The following INTS6 variants were observed in gnomAD, a reference collection of about 807,000 sequenced individuals.
The protein encoded by INTS6 is DEAD box protein.
A neutral mutation model predicts 104.9 loss-of-function variants in INTS6; 16 were observed. The observed-to-expected ratio is 0.15, with a 90% confidence interval of 0.10 to 0.23. INTS6 has a LOEUF of 0.23. INTS6 is among the 10% of genes least tolerant of loss of function. The pLI is 1.00. For synonymous variants in INTS6, 324 were observed against 358.7 expected (o/e 0.90, Z 1.09); for missense variants, 584 against 1,062.8 (o/e 0.55, Z 6.26).
downstream of INTS6, among the ~76,000 whole-genome samples, chr13:51,352,437 G>A (rs1468731963): frequency 6.6e-6 from 1 of 151,042 alleles, no homozygotes; most frequent in Non-Finnish European, 1.5e-5. Flanking sequence ...CTTGTATGCT[G>A]TACCTTACTG....
At chr13:51,341,290 G>T in the INTS6 span, 1 of 1,613,396 alleles carries the variant, frequency 6.2e-7, no homozygotes, top group Non-Finnish European at 8.5e-7. Flanking sequence ...CCTGCAGTTT[G>T]GAGCAGAAGG....
rs1177202281 is a variant in INTS6, at chr13:51,374,791, C to T, written c.1735G>A (p.Val579Met). 6.2e-7 allele frequency: 1 copy of T among 1,611,118 alleles called. No individual in the cohort carries two copies. The highest frequency in any genetic ancestry group is 1.7e-5 in the Admixed American group (1 of 59,510). Reference protein sequence around the residue: ...RFLKGQDEDQVHSVPIAQMGN... With the variant: ...RFLKGQDEDQMHSVPIAQMGN... ...ATTTGTGCTATAGGAACACTGTGCACTTGATCTTTCAAAAAGAATACAACA... is the reference window on the plus strand; with the variant it reads ...ATTTGTGCTATAGGAACACTGTGCATTTGATCTTTCAAAAAGAATACAACA... The change falls in exon 14 of 18, where the codon GTG becomes ATG. Residue 579 changes from valine to methionine, a missense_variant. By Grantham distance (21) the Val-to-Met change is conservative. Around this residue, in one of 5 missense-constraint regions of INTS6, gnomAD observed 296 missense variants for 437.0 expected, o/e 0.68. Coordinates refer to ENST00000311234, the MANE Select transcript of INTS6 (RefSeq NM_012141.3).
At chr13:51,418,612 T>G (rs1055136100) in intron 4 of INTS6, among the ~76,000 whole-genome samples, 1 of 152,182 alleles carries the variant, frequency 6.6e-6, no homozygotes, top group African/African-American at 2.4e-5. Context: ...ACTCCACAGT[T>G]AAAAATGTGT....
chr13:51,424,256 C>A (rs1430259766), intron 4 of INTS6, among the ~76,000 whole-genome samples: 1 of 151,810 alleles, frequency 6.6e-6, no homozygotes, highest in Admixed American at 6.6e-5. Flanking sequence ...TTCTAGATAG[C>A]GGATTAGTTA....
rs1410368673 is a variant in INTS6, at chr13:51,376,036, C to G, written c.1729+12G>C. On this transcript the variant is annotated intron_variant, in intron 13 of 17. Transcript: ENST00000311234. ...AAAATTAAAAATACCAGTATTGAAA[C>G]TATGTTCTAACCTTCGTCCTGTCCT... 3 of 1,586,476 alleles carry G rather than the reference C, an allele frequency of 1.9e-6. No homozygotes were observed. The highest frequency in any genetic ancestry group is 1.8e-5 in the Admixed American group (1 of 55,090).
chr13:51,344,550 A>T, the INTS6 span: 1 of 1,328,680 alleles, frequency 7.5e-7, no homozygotes, highest in Non-Finnish European at 1.1e-6. Context: ...AGTCTCACCC[A>T]TCACTTGTCA....
chr13:51,348,213 G>T, the INTS6 span: 10 of 1,581,496 alleles, frequency 6.3e-6, no homozygotes, highest in Non-Finnish European at 8.6e-6. Flanking sequence ...GTACCCTCAG[G>T]TCAGTTCCAG....
At chr13:51,408,297 C>G (rs1031921534) in intron 4 of INTS6, among the ~76,000 whole-genome samples, 1 of 151,846 alleles carries the variant, frequency 6.6e-6, no homozygotes, top group Non-Finnish European at 1.5e-5. Context: ...GCGCCTGCCA[C>G]CATGCCCAGC....
chr13:51,433,596 T>C (rs1014090304), intron 3 of INTS6, among the ~76,000 whole-genome samples: 3 of 152,158 alleles, frequency 2.0e-5, no homozygotes, highest in East Asian at 1.9e-4. Context: ...CAGACTCATA[T>C]AGATGATGAC....
chr13:51,449,861 C>A, intron 3 of INTS6: 1 of 985,324 alleles, frequency 1.0e-6, no homozygotes, highest in Non-Finnish European at 1.2e-6. Context: ...TAAGAAAGTA[C>A]ATATTTACCT....
At chr13:51,399,817 C>T (rs1444836628) in intron 4 of INTS6, among the ~76,000 whole-genome samples, 1 of 152,034 alleles carries the variant, frequency 6.6e-6, no homozygotes, top group South Asian at 2.1e-4. Flanking sequence ...GCCATTTCAA[C>T]GTGCTCTTTT....
chr13:51,416,572 T>C (rs1956790920), intron 4 of INTS6, among the ~76,000 whole-genome samples: 2 of 152,258 alleles, frequency 1.3e-5, no homozygotes, highest in South Asian at 4.1e-4. Flanking sequence ...TTTTTAAGGC[T>C]GAATAATATT....
At chr13:51,432,472 C>G (rs1402496052) in intron 3 of INTS6, among the ~76,000 whole-genome samples, 1 of 151,104 alleles carries the variant, frequency 6.6e-6, no homozygotes, top group African/African-American at 2.4e-5. Context: ...AAAAAAACAC[C>G]ATCTTGTATT....
At chr13:51,418,636 T>A (rs889276789) in intron 4 of INTS6, among the ~76,000 whole-genome samples, 2 of 152,186 alleles carry the variant, frequency 1.3e-5, no homozygotes, top group Non-Finnish European at 1.5e-5. Context: ...CTTAGGAATA[T>A]CCAATGTACA....
chr13:51,364,565 T>C lies in INTS6; in HGVS notation c.*1187A>G, dbSNP rs1296208783. The C allele has an allele frequency of 6.6e-6, 2 of 301,198 alleles. No homozygotes were observed. The highest frequency in any genetic ancestry group is 2.2e-5 in the African/African-American group (1 of 45,812). 18.7% of individuals were successfully genotyped at this position (301,198 alleles called of 1,614,324 possible). ...ATGGTGAGTGAGTCAGGCCATAAGA[T>C]TGCTTCCTCAGTACGGATACTCTAG... On this transcript the variant is annotated 3_prime_UTR_variant, in exon 18 of 18. Transcript: ENST00000311234.
chr13:51,355,024 GTTTGT>G, intron 3 of INTS6: 5 of 1,268,406 alleles, frequency 3.9e-6, no homozygotes, highest in Non-Finnish European at 5.6e-6. Context: ...AAAGTTGATG[GTTTGT>G]TTTTGCCTTT....
chr13:51,425,480 G>C (rs904120920), intron 4 of INTS6, among the ~76,000 whole-genome samples: 2 of 152,068 alleles, frequency 1.3e-5, no homozygotes, highest in African/African-American at 4.8e-5. Flanking sequence ...TTGGTAAAGA[G>C]ATGCAGAAGG....
chr13:51,379,637 G>C (rs2137906361), intron 10 of INTS6, 65 bp from the exon 11 acceptor site: 2 of 873,584 alleles, frequency 2.3e-6, no homozygotes, highest in Non-Finnish European at 3.4e-6. Flanking sequence ...TCCATGTATA[G>C]TCTGTCTTAA....
intron 5 of INTS6, among the ~76,000 whole-genome samples, chr13:51,390,870 C>A (rs1327889147): frequency 6.6e-6 from 1 of 151,986 alleles, no homozygotes; most frequent in South Asian, 2.1e-4. Context: ...TTATTAATTT[C>A]TTTAATCTCA....
Sources: allele counts gnomAD v4.1 joint callset (sites outside exome capture counted in the v4.1 genomes callset), GRCh38; gene constraint gnomAD v4.1.1; regional missense constraint gnomAD v4.1.1; transcripts MANE v1.5; gene names NCBI Gene and HGNC (gene_info 2026-07-23, HGNC 2026-07-21).